Variants in NDE1 observed in about 807,000 individuals in gnomAD.
NDE1 encodes nuclear distribution protein nudE homolog 1.
In NDE1, 28 loss-of-function variants were observed where a neutral mutation model predicts 43.4. The ratio of observed to expected loss-of-function variants is 0.65; its 90% CI spans 0.48 to 0.89. The LOEUF (loss-of-function observed/expected upper bound fraction) is 0.89, where lower values mean the gene tolerates loss of function less well. Ranked by LOEUF, NDE1 falls within the 40% of genes least tolerant of loss-of-function variation. The pLI is 0.00. For synonymous variants in NDE1, 184 were observed against 172.0 expected, an observed-to-expected ratio of 1.07 and a Z score of -0.55; for missense variants, 441 against 434.1, an observed-to-expected ratio of 1.02 and a Z score of -0.14.
intron 8 of NDE1, chr16:15,700,130 T>C: frequency 9.2e-7 from 1 of 1,083,952 alleles, no homozygotes; most frequent in Non-Finnish European, 1.1e-6. Context: ...AGAGTCTTGC[T>C]CTGTCACCCA....
intron 8 of NDE1, chr16:15,704,022 G>C (rs1203781203): frequency 1.2e-6 from 2 of 1,614,060 alleles, no homozygotes; most frequent in Admixed American, 3.3e-5. Flanking sequence ...ATTGAAGTCT[G>C]CGTCTCGAGT....
At chr16:15,711,676 C>T (rs1463275891) in intron 8 of NDE1, among the ~76,000 whole-genome samples, 1 of 152,066 alleles carries the variant, frequency 6.6e-6, no homozygotes, top group East Asian at 1.9e-4. Context: ...TTCACTCTGC[C>T]TGGTGCTGTC....
intron 4 of NDE1, among the ~76,000 whole-genome samples, chr16:15,681,942 T>G (rs982719037): frequency 6.6e-5 from 10 of 152,172 alleles, no homozygotes; most frequent in African/African-American, 9.7e-5. Context: ...TTTGATTTTT[T>G]TGTAGTCAGA....
At chr16:15,656,604 G>A (rs1854371236) in intron 1 of NDE1, among the ~76,000 whole-genome samples, 1 of 151,938 alleles carries the variant, frequency 6.6e-6, no homozygotes, top group Non-Finnish European at 1.5e-5. Context: ...GCAGTGGCAG[G>A]ATCTCTGCTC....
chr16:15,710,921 G>A (rs1236188836), intron 8 of NDE1, among the ~76,000 whole-genome samples: 2 of 152,036 alleles, frequency 1.3e-5, no homozygotes, highest in Non-Finnish European at 2.9e-5. Context: ...CAGGTGATCA[G>A]CCCACCTCAG....
chr16:15,724,179 C>T lies in NDE1; in HGVS notation c.948-12C>T. 2 of 1,613,834 alleles carry T rather than the reference C, an allele frequency of 1.2e-6. No homozygotes were observed. The highest frequency in any genetic ancestry group is 1.7e-6 in the Non-Finnish European group (2 of 1,180,046). ...CCTCTACCTGATCAAATTTCCTCTGCTTCTTTTCCAGGTTGGACACGAGTT... is the reference window on the plus strand; with the variant it reads ...CCTCTACCTGATCAAATTTCCTCTGTTTCTTTTCCAGGTTGGACACGAGTT... On this transcript the variant is annotated splice_polypyrimidine_tract_variant and intron_variant, in intron 8 of 8. Transcript: ENST00000396354.
intron 1 of NDE1, among the ~76,000 whole-genome samples, chr16:15,661,097 G>A (rs2037021326): frequency 6.6e-6 from 1 of 151,570 alleles, no homozygotes. Flanking sequence ...AGCTGTGAAT[G>A]TCTGAGACTG....
At chr16:15,680,345 T>C (rs2038112172) in intron 4 of NDE1, among the ~76,000 whole-genome samples, 1 of 152,164 alleles carries the variant, frequency 6.6e-6, no homozygotes, top group African/African-American at 2.4e-5. Context: ...GGCAAAAATC[T>C]TGTAAAGATG....
At chr16:15,671,006 A>G (rs550142148) in intron 3 of NDE1, among the ~76,000 whole-genome samples, 40 of 152,258 alleles carry the variant, frequency 2.6e-4, no homozygotes, top group African/African-American at 9.4e-4. Context: ...CATCTGCCCC[A>G]TAGGTGTTGT....
intron 8 of NDE1, among the ~76,000 whole-genome samples, chr16:15,707,069 C>T (rs373615208): frequency 2.4e-4 from 37 of 152,162 alleles, no homozygotes; most frequent in East Asian, 1.4e-3. Flanking sequence ...AATAGAGTCT[C>T]GCTGTGTTGC....
At chr16:15,657,107 T>C (rs1253467445) in intron 1 of NDE1, among the ~76,000 whole-genome samples, 2 of 152,148 alleles carry the variant, frequency 1.3e-5, no homozygotes, top group African/African-American at 4.8e-5. Flanking sequence ...TTTTTGTTTT[T>C]TTTTTTTGAG....
intron 6 of NDE1, among the ~76,000 whole-genome samples, chr16:15,693,925 G>A (rs1157850006): frequency 6.6e-6 from 1 of 152,172 alleles, no homozygotes; most frequent in Non-Finnish European, 1.5e-5. Context: ...GGGTGACAGA[G>A]CAAGACTAAC....
At position 15,691,298 on chromosome 16, in the gene NDE1, A is replaced by G; in HGVS notation, c.678A>G (p.Leu226=). The G allele has an allele frequency of 6.2e-7, 1 of 1,614,088 alleles. No individual in the cohort carries two copies. The highest frequency in any genetic ancestry group is 8.5e-7 in the Non-Finnish European group (1 of 1,180,006). ...PIAHRGPSSS[L]NTPGSFRRGL... is the part of the protein sequence containing the mutation. The stretch of plus-strand genomic sequence containing the variant: ...CTCACCGAGGACCCAGCTCAAGTTT[A>G]AACACACCTGGGAGCTTCAGACGTG... The change falls in exon 6 of 9, where the codon TTA becomes TTG. Residue 226 remains leucine, a synonymous_variant. Coordinates refer to ENST00000396354, the MANE Select transcript of NDE1 (RefSeq NM_017668.3).
intron 8 of NDE1, among the ~76,000 whole-genome samples, chr16:15,715,815 TAA>T (rs1046158288): frequency 6.6e-6 from 1 of 152,014 alleles, no homozygotes; most frequent in Non-Finnish European, 1.5e-5. Context: ...CTCAGACTTT[TAA>T]AAGTTTTTCA....
rs2076138643 is a variant in NDE1, at chr16:15,699,817, CT to C, written c.947+2960del. 5.2e-6 allele frequency: 7 copies of C among 1,350,872 alleles called. 1 individual carries two copies. The highest frequency in any genetic ancestry group is 2.1e-4 in the Middle Eastern group (1 of 4,764). The allele number at this position is 1,350,872 out of a possible 1,614,324, so 83.7% of individuals were successfully genotyped here. A position where few individuals can be genotyped will look rare whatever the true frequency, so the allele number is the denominator to read the frequency against. Reference sequence around the variant, plus strand: ...AGCCCAGGGGGTAGTCAAGATGTTGCTTTAGGAAAACCACGGAAGCTGAAGG... The same window carrying C: ...AGCCCAGGGGGTAGTCAAGATGTTGCTTAGGAAAACCACGGAAGCTGAAGG... On this transcript the variant is annotated intron_variant, in intron 8 of 8. Coordinates refer to ENST00000396354, the MANE Select transcript of NDE1 (RefSeq NM_017668.3).
At chr16:15,674,277 T>C (rs1224626650) in intron 3 of NDE1, among the ~76,000 whole-genome samples, 1 of 152,148 alleles carries the variant, frequency 6.6e-6, no homozygotes. Flanking sequence ...TGGAGTCTTG[T>C]TCGTCGCCCA....
In NDE1 at chr16:15,719,574, C is replaced by T. The variant is rs199717623; in HGVS notation, c.948-4617C>T. The T allele has an allele frequency of 1.8e-5, 29 of 1,613,824 alleles. No individual in the cohort carries two copies. Among genetic ancestry groups the T allele is most frequent in the Admixed American group, 1.7e-4 (10 of 59,998 alleles). On this transcript the variant is annotated intron_variant, in intron 8 of 8. Coordinates refer to ENST00000396354, the MANE Select transcript of NDE1 (RefSeq NM_017668.3). ...CGCATCTGAGGCTCTCCTAGCAAGG[C>T]GAGGCTTTACCTCTTGTAGCTGCAT...
chr16:15,709,269 C>T (rs982089630), intron 8 of NDE1, among the ~76,000 whole-genome samples: 8 of 151,750 alleles, frequency 5.3e-5, no homozygotes, highest in Admixed American at 3.3e-4. Context: ...CTTAAGTCAA[C>T]GTTGCAGTGA....
Position 15,726,038 on chromosome 16 carries a change from G to C in NDE1, c.*1787G>C, listed in dbSNP as rs1248872211. On this transcript the variant is annotated 3_prime_UTR_variant, in exon 9 of 9. Coordinates refer to ENST00000396354, the MANE Select transcript of NDE1 (RefSeq NM_017668.3). ...TCCTAATTTTTCTACTTACCACAGG[G>C]CCTTTGCACACGCTGTTCCCTCTGC... is the stretch of plus-strand genomic sequence containing the variant. 6 of 229,154 alleles carry C rather than the reference G, an allele frequency of 2.6e-5. No individual in the cohort carries two copies. The highest frequency in any genetic ancestry group is 5.1e-5 in the Non-Finnish European group (6 of 118,594). 14.2% of individuals were successfully genotyped at this position (229,154 alleles called of 1,614,324 possible). A position where few individuals can be genotyped will look rare whatever the true frequency, so the allele number is the denominator to read the frequency against.
Sources: gnomAD v4.1 joint callset for allele counts (sites outside exome capture counted in the v4.1 genomes callset) on GRCh38, gnomAD v4.1.1 for gene constraint, MANE v1.5 for transcripts, NCBI Gene and HGNC (gene_info 2026-07-23, HGNC 2026-07-21) for gene names.